Variants in ABL2 observed in about 807,000 individuals in gnomAD.
ABL2 encodes the protein tyrosine-protein kinase ABL2.
Under a neutral mutation model 107.7 loss-of-function variants are expected in ABL2, and 49 were observed. The ratio of observed to expected loss-of-function variants is 0.45; its 90% confidence interval spans 0.36 to 0.58. ABL2 has a LOEUF of 0.58. ABL2 is among the 20% of genes least tolerant of loss of function. The pLI, the probability that ABL2 is intolerant of heterozygous loss-of-function variation, is 0.00. For missense variants in ABL2, 1,245 were observed against 1,457.0 expected, an observed-to-expected ratio of 0.85 and a Z score of 2.37; for synonymous variants, 549 against 548.6, an observed-to-expected ratio of 1.00 and a Z score of -0.01.
At chr1:179,142,998 T>A in intron 1 of ABL2, 1 of 1,614,208 alleles carries the variant, frequency 6.2e-7, no homozygotes, top group Non-Finnish European at 8.5e-7. Context: ...AGTGTCCTGA[T>A]CTCTGCCATA....
chr1:179,169,937 C>T (rs1659623231), intron 1 of ABL2, among the ~76,000 whole-genome samples: 1 of 151,986 alleles, frequency 6.6e-6, no homozygotes, highest in South Asian at 2.1e-4. Flanking sequence ...GCTGAAGTGG[C>T]AGGAGCTTGA....
chr1:179,155,504 CG>C (rs1478354333), intron 1 of ABL2, among the ~76,000 whole-genome samples: 1 of 151,948 alleles, frequency 6.6e-6, no homozygotes, highest in Non-Finnish European at 1.5e-5. Flanking sequence ...CCGAGGCAGG[CG>C]GACTACCTGA....
chr1:179,178,567 G>A lies in ABL2; in HGVS notation c.158-45193C>T, dbSNP rs147298823. On this transcript the variant is annotated intron_variant, in intron 1 of 11. Transcript: ENST00000502732. ...GGAACAGAGAGAATAAAAACTTATGGCAAAAGTATCAAGATCTGGACTTTA... is the reference window on the plus strand; with the variant it reads ...GGAACAGAGAGAATAAAAACTTATGACAAAAGTATCAAGATCTGGACTTTA... Among the ~76,000 whole-genome samples, 794 of 151,968 alleles carry A rather than the reference G, an allele frequency of 5.2e-3. 7 individuals carry two copies. Among genetic ancestry groups the A allele is most frequent in the African/African-American group, 0.018 (751 of 41,466 alleles).
intron 1 of ABL2, chr1:179,220,912 C>G (rs1396986771): frequency 5.7e-6 from 1 of 175,330 alleles, no homozygotes; most frequent in African/African-American, 2.4e-5. Context: ...GCTGCCACTC[C>G]TGACTCTCCT....
At position 179,186,403 on chromosome 1, in the gene ABL2, A is replaced by C. The variant is rs148902403; in HGVS notation, c.157+42838T>G. ...TGTTGTTGTTGTTGTTTTGAGAGGG[A>C]GTTTCGCTCTTCTTGCCCAGGCTAG... On this transcript the variant is annotated intron_variant, in intron 1 of 11. Coordinates refer to ENST00000502732, the MANE Select transcript of ABL2 (RefSeq NM_007314.4). Among the ~76,000 whole-genome samples the C allele has an allele frequency of 5.1e-3, 771 of 151,934 alleles. 6 individuals are homozygous for C. Among genetic ancestry groups the C allele is most frequent in the Non-Finnish European group, 7.5e-3 (513 of 67,956 alleles).
chr1:179,221,741 G>T, intron 1 of ABL2: 1 of 233,486 alleles, frequency 4.3e-6, no homozygotes, highest in Non-Finnish European at 9.1e-6. Context: ...ACTCAGAGAA[G>T]TTTTTCACAG....
At chr1:179,134,968 G>A (rs911956448) in intron 1 of ABL2, among the ~76,000 whole-genome samples, 15 of 152,402 alleles carry the variant, frequency 9.8e-5, no homozygotes, top group Admixed American at 4.6e-4. Context: ...CTAACCGCGA[G>A]TGATCCGCCA....
intron 1 of ABL2, among the ~76,000 whole-genome samples, chr1:179,171,474 G>C (rs1411410778): frequency 6.6e-6 from 1 of 152,162 alleles, no homozygotes; most frequent in Non-Finnish European, 1.5e-5. Flanking sequence ...ATAAAATTCT[G>C]TAAGGAACTC....
chr1:179,183,762 A>C (rs561858671), intron 1 of ABL2: 1 of 153,766 alleles, frequency 6.5e-6, no homozygotes, highest in South Asian at 2.0e-4. Flanking sequence ...GATCACTCTA[A>C]AATTATTTCA....
chr1:179,133,355 C>T lies in ABL2; in HGVS notation c.177G>A (p.Val59=), dbSNP rs1557939535. 6.2e-7 allele frequency: 1 copy of T among 1,614,130 alleles called. No individual in the cohort carries two copies. Among genetic ancestry groups the T allele is most frequent in the Non-Finnish European group, 8.5e-7 (1 of 1,180,022 alleles). ...FTQHDHFASC[V]EDGFEGDKTG... is the part of the protein sequence containing the mutation. The stretch of plus-strand genomic sequence containing the variant: ...TCTTGTCTCCCTCAAATCCATCCTC[C>T]ACACAGCTGGCAAAGTGATCTATTT... The change falls in exon 2 of 12, where the codon GTG becomes GTA. Residue 59 remains valine, a synonymous_variant. Coordinates refer to ENST00000502732, the MANE Select transcript of ABL2 (RefSeq NM_007314.4).
intron 1 of ABL2, among the ~76,000 whole-genome samples, chr1:179,152,369 C>T (rs1658414068): frequency 6.6e-6 from 1 of 152,192 alleles, no homozygotes; most frequent in Non-Finnish European, 1.5e-5. Flanking sequence ...CCCAAAGCTA[C>T]ATAAAATACC....
intron 1 of ABL2, among the ~76,000 whole-genome samples, chr1:179,215,214 C>T (rs1182932063): frequency 2.0e-5 from 3 of 151,056 alleles, no homozygotes; most frequent in Admixed American, 6.6e-5. Context: ...ATTTATGAAA[C>T]GGCAAGAGAA....
At chr1:179,172,515 C>G (rs1659780247) in intron 1 of ABL2, among the ~76,000 whole-genome samples, 1 of 152,206 alleles carries the variant, frequency 6.6e-6, no homozygotes, top group South Asian at 2.1e-4. Context: ...GGCAAGGTCT[C>G]TGCTCTAGAG....
chr1:179,220,636 T>C (rs781642013), intron 1 of ABL2, among the ~76,000 whole-genome samples: 23 of 152,378 alleles, frequency 1.5e-4, no homozygotes, highest in Non-Finnish European at 2.8e-4. Flanking sequence ...GCTAGTGCTT[T>C]AATCTCTGCT....
In ABL2 at chr1:179,127,209, C is replaced by CA. The variant is rs1002232870; in HGVS notation, c.392-538dup. ...AAAACAAAAACAAAAAATGAACAAA[C>CA]AAAAAAAAACACGGACCACAGAGTT... On this transcript the variant is annotated intron_variant, in intron 3 of 11. Coordinates refer to ENST00000502732, the MANE Select transcript of ABL2 (RefSeq NM_007314.4). Among the ~76,000 whole-genome samples, 96 of 150,862 alleles carry CA rather than the reference C, an allele frequency of 6.4e-4. No individual in the cohort carries two copies. The Middle Eastern group carries it at 0.01, about 16-fold the overall frequency.
At position 179,108,165 on chromosome 1, in the gene ABL2, C is replaced by T. The variant is rs774438605; in HGVS notation, c.3102G>A (p.Gly1034=). The change falls in exon 12 of 12, where the codon GGG becomes GGA. Residue 1034 remains glycine, a synonymous_variant. Transcript: ENST00000502732. The stretch of plus-strand genomic sequence containing the variant: ...GAGGCATCACTGGCCTCCCAGCTTT[C>T]CCACTGATGGGCACTGCGCCCAGAG... ...KAALGAVPIS[G]KAGRPVMPPP... The T allele has an allele frequency of 1.9e-6, 3 of 1,614,220 alleles. No homozygotes were observed. Among genetic ancestry groups the T allele is most frequent in the Non-Finnish European group, 2.5e-6 (3 of 1,180,032 alleles).
In ABL2 at chr1:179,144,752, T is replaced by G. The variant is rs1657874266; in HGVS notation, c.158-11378A>C. Among the ~76,000 whole-genome samples the G allele has an allele frequency of 2.0e-5, 3 of 152,192 alleles. No individual in the cohort carries two copies. The South Asian group carries it at 6.2e-4, about 31-fold the overall frequency. On this transcript the variant is annotated intron_variant, in intron 1 of 11. Transcript: ENST00000502732. Reference sequence around the variant, plus strand: ...ATTATCCTTTATAAAGCCAGTACTTTCAACATCAAGGGACAAATAAAAGAG... The same window carrying G: ...ATTATCCTTTATAAAGCCAGTACTTGCAACATCAAGGGACAAATAAAAGAG...
intron 1 of ABL2, chr1:179,202,002 G>A: frequency 1.2e-6 from 1 of 802,904 alleles, no homozygotes; most frequent in Non-Finnish European, 1.6e-6. Context: ...GGAGAGGGAA[G>A]GGAGCCAAGG....
At chr1:179,112,266 T>C (rs777327353) in intron 10 of ABL2, 43 bp downstream of exon 10, 2 of 1,532,610 alleles carry the variant, frequency 1.3e-6, no homozygotes, top group Non-Finnish European at 1.8e-6. Context: ...CCACCACCAC[T>C]ACCCAGAATT....
Sources: allele counts gnomAD v4.1 joint callset (sites outside exome capture counted in the v4.1 genomes callset), GRCh38; gene constraint gnomAD v4.1.1; transcripts MANE v1.5; gene names NCBI Gene and HGNC (gene_info 2026-07-23, HGNC 2026-07-21).